The following KLHL29 variants were observed in gnomAD, a reference collection of about 807,000 sequenced individuals.
KLHL29 encodes kelch-like protein 29.
Under a neutral mutation model 80.4 loss-of-function variants are expected in KLHL29, and 21 were observed. The ratio of observed to expected loss-of-function variants is 0.26; its 90% CI spans 0.19 to 0.38. KLHL29 has a LOEUF of 0.38. KLHL29 is among the 10% of genes least tolerant of loss of function. The pLI is 1.00. For missense variants in KLHL29, 867 were observed against 1,223.9 expected, an observed-to-expected ratio of 0.71 and a Z score of 4.35; for synonymous variants, 511 against 526.8, an observed-to-expected ratio of 0.97 and a Z score of 0.41.
chr2:23,628,846 T>A lies in KLHL29; in HGVS notation c.286-10293T>A, dbSNP rs1669393105. 2.0e-5 allele frequency among the ~76,000 whole-genome samples: 3 copies of A among 152,034 alleles called. No individual in the cohort carries two copies. In the South Asian group the frequency reaches 6.2e-4, roughly 32 times the overall value. On this transcript the variant is annotated intron_variant, in intron 3 of 13. Coordinates refer to ENST00000486442, the MANE Select transcript of KLHL29 (RefSeq NM_052920.2). ...CAAAGGCTCCCAGAAATGGGCGTTG[T>A]GTGATGTGCGTCTGCGAGTCTACAG...
chr2:23,496,356 C>A (rs1012572229), intron 2 of KLHL29, among the ~76,000 whole-genome samples: 2 of 152,212 alleles, frequency 1.3e-5, no homozygotes, highest in African/African-American at 2.4e-5. Context: ...ATCCATCCCA[C>A]CTCTGAACTT....
chr2:23,592,514 G>A lies in KLHL29; in HGVS notation c.285+30033G>A, dbSNP rs78696616. The stretch of plus-strand genomic sequence containing the variant: ...AGAGAGGCTCAGGGTCCACATGGCC[G>A]CAGGCCGGGGGCCTCTCCAGGAGCA... On this transcript the variant is annotated intron_variant, in intron 3 of 13. Transcript: ENST00000486442. Among the ~76,000 whole-genome samples the A allele has an allele frequency of 5.1e-3, 780 of 152,342 alleles. 8 individuals are homozygous for A. Among genetic ancestry groups the A allele is most frequent in the African/African-American group, 0.018 (753 of 41,584 alleles).
At chr2:23,460,238 A>G (rs540253362) in intron 1 of KLHL29, among the ~76,000 whole-genome samples, 39 of 152,230 alleles carry the variant, frequency 2.6e-4, no homozygotes, top group Non-Finnish European at 4.9e-4. Context: ...ATTATTTGCC[A>G]AGTACTGGAC....
intron 8 of KLHL29, among the ~76,000 whole-genome samples, chr2:23,694,086 C>T (rs923863241): frequency 1.3e-5 from 2 of 152,204 alleles, no homozygotes; most frequent in African/African-American, 2.4e-5. Context: ...AGCCACAAGT[C>T]CCTATGACTC....
chr2:23,489,729 A>G (rs1222321869), intron 2 of KLHL29, among the ~76,000 whole-genome samples: 2 of 151,326 alleles, frequency 1.3e-5, no homozygotes, highest in African/African-American at 2.4e-5. Flanking sequence ...GGCCCCTGCA[A>G]CAGCTGGGGA....
At chr2:23,531,204 A>T (rs1666480449) in intron 2 of KLHL29, among the ~76,000 whole-genome samples, 1 of 152,236 alleles carries the variant, frequency 6.6e-6, no homozygotes, top group Non-Finnish European at 1.5e-5. Context: ...AGCGAAAGTC[A>T]TTGCCACGTG....
Position 23,423,310 on chromosome 2 carries a change from G to A in KLHL29, c.-154+37530G>A, listed in dbSNP as rs759380019. 6.6e-5 allele frequency among the ~76,000 whole-genome samples: 10 copies of A among 152,246 alleles called. No homozygotes were observed. The Middle Eastern group carries it at 0.011, about 161-fold the overall frequency. ...TGCTGCGTGGTCAGCCTGGCCGACT[G>A]ACCTCCCGGGCCTGACCTCCCCAGG... On this transcript the variant is annotated intron_variant, in intron 1 of 13. Coordinates refer to ENST00000486442, the MANE Select transcript of KLHL29 (RefSeq NM_052920.2).
intron 2 of KLHL29, among the ~76,000 whole-genome samples, chr2:23,528,161 A>G (rs1046783051): frequency 3.3e-5 from 5 of 152,242 alleles, no homozygotes; most frequent in African/African-American, 9.6e-5. Flanking sequence ...ACAATTTAAA[A>G]GGAAACATTT....
At chr2:23,615,182 C>T (rs1442732708) in intron 3 of KLHL29, among the ~76,000 whole-genome samples, 2 of 152,206 alleles carry the variant, frequency 1.3e-5, no homozygotes, top group Non-Finnish European at 2.9e-5. Flanking sequence ...TCCTGGGCTT[C>T]GGCTTATCCT....
At chr2:23,446,298 C>A (rs1234959365) in intron 1 of KLHL29, among the ~76,000 whole-genome samples, 1 of 151,312 alleles carries the variant, frequency 6.6e-6, no homozygotes, top group Non-Finnish European at 1.5e-5. Flanking sequence ...TGAGATGCTA[C>A]CTTTATCATA....
intron 1 of KLHL29, among the ~76,000 whole-genome samples, chr2:23,410,728 A>C (rs1666842004): frequency 1.3e-5 from 2 of 152,036 alleles, no homozygotes; most frequent in South Asian, 4.1e-4. Context: ...CCAGGTGTGG[A>C]GGAGGGCATT....
chr2:23,588,973 CCTCA>C (rs1447475967), intron 3 of KLHL29, among the ~76,000 whole-genome samples: 2 of 152,248 alleles, frequency 1.3e-5, no homozygotes, highest in Admixed American at 1.3e-4. Context: ...ATCCTCACTG[CCTCA>C]CTCACGCGTC....
intron 3 of KLHL29, among the ~76,000 whole-genome samples, chr2:23,608,622 G>T (rs1229626269): frequency 6.6e-6 from 1 of 152,208 alleles, no homozygotes; most frequent in Non-Finnish European, 1.5e-5. Flanking sequence ...AAGCGATGCT[G>T]ATAGGAAGCA....
chr2:23,476,224 A>C (rs1462486531), intron 2 of KLHL29, among the ~76,000 whole-genome samples: 2 of 151,976 alleles, frequency 1.3e-5, no homozygotes, highest in Non-Finnish European at 2.9e-5. Flanking sequence ...GGCTTTCCCC[A>C]GGAGGTTAGA....
intron 3 of KLHL29, among the ~76,000 whole-genome samples, chr2:23,634,780 C>A (rs1174374502): frequency 2.0e-5 from 3 of 152,342 alleles, no homozygotes; most frequent in South Asian, 2.1e-4. Context: ...CTCAGCACCC[C>A]CAATGAGGGA....
chr2:23,438,515 C>T (rs965786053), intron 1 of KLHL29, among the ~76,000 whole-genome samples: 7 of 145,220 alleles, frequency 4.8e-5, no homozygotes, highest in Admixed American at 1.4e-4. Flanking sequence ...GAGTTTTTAG[C>T]ATGAAGGGTT....
intron 2 of KLHL29, among the ~76,000 whole-genome samples, chr2:23,534,207 C>T (rs1666592816): frequency 1.3e-5 from 2 of 152,132 alleles, no homozygotes; most frequent in Admixed American, 1.3e-4. Context: ...GGTGTTGAAT[C>T]CAGGTACAAT....
At chr2:23,579,716 G>T (rs1474407335) in intron 3 of KLHL29, among the ~76,000 whole-genome samples, 2 of 151,914 alleles carry the variant, frequency 1.3e-5, no homozygotes, top group Non-Finnish European at 2.9e-5. Context: ...TTCTAAATGT[G>T]CAGTTACTCC....
intron 2 of KLHL29, among the ~76,000 whole-genome samples, chr2:23,502,593 A>G (rs1056554540): frequency 1.3e-5 from 2 of 152,198 alleles, no homozygotes; most frequent in Non-Finnish European, 2.9e-5. Context: ...ACTCCTGCAA[A>G]TCTACCTATA....
Sources: gnomAD v4.1 joint callset for allele counts (sites outside exome capture counted in the v4.1 genomes callset) on GRCh38, gnomAD v4.1.1 for gene constraint, MANE v1.5 for transcripts, NCBI Gene and HGNC (gene_info 2026-07-23, HGNC 2026-07-21) for gene names.